The following SORL1 variants were observed in gnomAD, a reference collection of about 807,000 sequenced individuals.
The protein encoded by SORL1 is sortilin related receptor 1, also known as sortilin-related receptor.
SORL1 carries 127 observed loss-of-function variants against 273.7 expected under a neutral mutation model. The ratio of observed to expected loss-of-function variants is 0.46; its 90% CI spans 0.40 to 0.54. The LOEUF is 0.54. Among genes scored for constraint, SORL1 ranks in the 20% least tolerant of loss-of-function variants. SORL1 has a pLI of 0.00. For synonymous variants in SORL1, 1,031 were observed against 1,067.4 expected (o/e 0.97, Z 0.66); for missense variants, 2,494 against 2,846.1 (o/e 0.88, Z 2.81).
chr11:121,455,324 T>C (rs181614339), intron 1 of SORL1, among the ~76,000 whole-genome samples: 11 of 152,290 alleles, frequency 7.2e-5, no homozygotes, highest in Admixed American at 2.0e-4. Context: ...GCTCAGACAC[T>C]GTCCAGCTTC....
Position 121,558,942 on chromosome 11 carries a change from T to C in SORL1, c.2910+105T>C, listed in dbSNP as rs561309157. The C allele has an allele frequency of 3.5e-6, 5 of 1,421,504 alleles. No homozygotes were observed. The South Asian group carries it at 6.8e-5, about 19-fold the overall frequency. The allele number at this position is 1,421,504 out of a possible 1,614,324, so 88.1% of individuals were successfully genotyped here. On this transcript the variant is annotated intron_variant, in intron 20 of 47. Transcript: ENST00000260197. ...TTTGCAGAGAAGCTGTTTAACTTCT[T>C]AAAGGTTGCCTTTTTTCCAAATTTG...
chr11:121,553,651 G>A (rs1862536748), intron 16 of SORL1, among the ~76,000 whole-genome samples: 1 of 152,222 alleles, frequency 6.6e-6, no homozygotes, highest in Admixed American at 6.5e-5. Context: ...CAGAAGTATG[G>A]TTGTTGAAGC....
intron 5 of SORL1, among the ~76,000 whole-genome samples, chr11:121,494,462 G>A (rs564307357): frequency 2.0e-5 from 3 of 152,340 alleles, no homozygotes; most frequent in African/African-American, 7.2e-5. Flanking sequence ...GGAAGACCTG[G>A]AGGGGGCTGA....
chr11:121,556,688 G>A (rs1176758045), intron 18 of SORL1, among the ~76,000 whole-genome samples: 1 of 152,202 alleles, frequency 6.6e-6, no homozygotes, highest in African/African-American at 2.4e-5. Flanking sequence ...GTCCAGGTGG[G>A]TCAGAAGAGT....
In SORL1 at chr11:121,621,200, G is replaced by A. The variant is rs766163770; in HGVS notation, c.6026G>A (p.Gly2009Glu). 18 of 1,613,980 alleles carry A rather than the reference G, an allele frequency of 1.1e-5. No homozygotes were observed. In the South Asian group the frequency reaches 1.8e-4, roughly 16 times the overall value. The change falls in exon 44 of 48, where the codon GGG becomes GAG. Residue 2009 changes from glycine (G) to glutamate (E), a missense_variant. Transcript: ENST00000260197. ...AAATACCACATCATTGTCCAACTGG[G>A]GAACATGAGCAAAGATTCCAGCATA... ...GGKYHIIVQL[G>E]NMSKDSSIKI...
chr11:121,475,598 C>T (rs1861253971), intron 2 of SORL1, among the ~76,000 whole-genome samples: 1 of 152,188 alleles, frequency 6.6e-6, no homozygotes, highest in South Asian at 2.1e-4. Flanking sequence ...GCCAGCACTC[C>T]TTCCAGTGCT....
chr11:121,588,787 G>A (rs1344086820), intron 28 of SORL1, among the ~76,000 whole-genome samples: 3 of 152,124 alleles, frequency 2.0e-5, no homozygotes, highest in East Asian at 3.8e-4. Context: ...GGGTTCCTCC[G>A]AGGCCTCTCT....
intron 6 of SORL1, among the ~76,000 whole-genome samples, chr11:121,508,036 G>A (rs1228208896): frequency 1.3e-5 from 2 of 152,134 alleles, no homozygotes; most frequent in Non-Finnish European, 2.9e-5. Context: ...CTACTGAATT[G>A]TCTCGTAATT....
chr11:121,473,396 C>G (rs1427071505), intron 2 of SORL1, among the ~76,000 whole-genome samples: 2 of 152,184 alleles, frequency 1.3e-5, no homozygotes, highest in African/African-American at 4.8e-5. Context: ...CAGTGTGATT[C>G]CATGAAGAGA....
chr11:121,531,874 T>C (rs1199004955), intron 11 of SORL1, among the ~76,000 whole-genome samples: 1 of 152,240 alleles, frequency 6.6e-6, no homozygotes, highest in African/African-American at 2.4e-5. Flanking sequence ...ATAATATCTA[T>C]TGCAGTTTTA....
At position 121,595,731 on chromosome 11, in the gene SORL1, G is replaced by C. The variant is rs759807733; in HGVS notation, c.4478G>C (p.Gly1493Ala). Residue 1493 changes from glycine (G) to alanine (A), a missense_variant, in exon 32 of 48, where the codon GGC becomes GCC. Gly to Ala is a moderately conservative substitution (Grantham distance 60, BLOSUM62 0). Coordinates refer to ENST00000260197, the MANE Select transcript of SORL1 (RefSeq NM_003105.6). The surrounding 1 kb of genome is among the most constrained non-coding windows in gnomAD (Gnocchi z 5.1). The stretch of plus-strand genomic sequence containing the variant: ...ATTCCCAACTGGAAGCGCTGTGACG[G>C]CCACCAAGATTGCCAGGATGGCCGG... Reference protein sequence around the residue: ...TCIPNWKRCDGHQDCQDGRDE... With the variant: ...TCIPNWKRCDAHQDCQDGRDE... 1 of 1,613,768 alleles carries C rather than the reference G, an allele frequency of 6.2e-7. No homozygotes were observed. Among genetic ancestry groups the C allele is most frequent in the Admixed American group, 1.7e-5 (1 of 60,008 alleles).
At chr11:121,559,770 A>G in intron 21 of SORL1, 113 bp downstream of exon 21, 1 of 820,760 alleles carries the variant, frequency 1.2e-6, no homozygotes, top group Non-Finnish European at 1.9e-6. Flanking sequence ...TGTTGTCACG[A>G]CAACATGCAC....
At chr11:121,612,407 A>G (rs563549736) in intron 39 of SORL1, 6 of 211,544 alleles carry the variant, frequency 2.8e-5, no homozygotes, top group South Asian at 2.6e-4. Flanking sequence ...CTTAATTTCC[A>G]TGGCCTAATT....
chr11:121,624,994 A>G lies in SORL1; in HGVS notation c.6172-91A>G, dbSNP rs1333850999. On this transcript the variant is annotated intron_variant, in intron 45 of 47. Transcript: ENST00000260197. ...CGCTTTCGCGTCTGTAGCAGCCCAC[A>G]GTGAGGAGCTCACATAAAGATGGAA... 7 of 914,646 alleles carry G rather than the reference A, an allele frequency of 7.7e-6. No homozygotes were observed. The East Asian group carries it at 1.8e-4, about 23-fold the overall frequency. The allele number at this position is 914,646 out of a possible 1,614,324, so 56.7% of individuals were successfully genotyped here. A position where few individuals can be genotyped will look rare whatever the true frequency, so the allele number is the denominator to read the frequency against.
chr11:121,583,915 A>T (rs1863053065), intron 26 of SORL1, among the ~76,000 whole-genome samples: 1 of 152,152 alleles, frequency 6.6e-6, no homozygotes, highest in African/African-American at 2.4e-5. Context: ...TTTTCAGGGG[A>T]TGTTAGTTGT....
chr11:121,500,780 G>A (rs1861697975), intron 6 of SORL1, among the ~76,000 whole-genome samples: 1 of 152,166 alleles, frequency 6.6e-6, no homozygotes, highest in African/African-American at 2.4e-5. Context: ...AAATTGTTAT[G>A]CCCTGTTAAT....
chr11:121,477,067 C>T (rs1787156462), intron 2 of SORL1, among the ~76,000 whole-genome samples: 2 of 152,170 alleles, frequency 1.3e-5, no homozygotes, highest in Non-Finnish European at 2.9e-5. Context: ...GTTGGGGTTA[C>T]AGGCGTGAGC....
intron 2 of SORL1, among the ~76,000 whole-genome samples, chr11:121,475,192 G>A (rs571788275): frequency 8.2e-4 from 125 of 152,278 alleles, no homozygotes; most frequent in African/African-American, 2.9e-3. Context: ...GCTTGACCCC[G>A]GGAGGTCAAG....
intron 21 of SORL1, 57 bp downstream of exon 21, chr11:121,559,714 G>A (rs1188920956): frequency 2.1e-5 from 33 of 1,554,044 alleles, no homozygotes; most frequent in Middle Eastern, 1.7e-4. Flanking sequence ...AAGGGGCTGC[G>A]TGTGGCCAAT....
Sources: allele counts gnomAD v4.1 joint callset (sites outside exome capture counted in the v4.1 genomes callset), GRCh38; gene constraint gnomAD v4.1.1; non-coding constraint Gnocchi (gnomAD v3.1); transcripts MANE v1.5; gene names NCBI Gene and HGNC (gene_info 2026-07-23, HGNC 2026-07-21).